SH2D5: variants seen among roughly 807,000 people sequenced by gnomAD.
The protein encoded by SH2D5 is SH2 domain containing 5, also known as SH2 domain-containing protein 5.
In SH2D5, 45 loss-of-function variants were observed where a neutral mutation model predicts 48.2. The observed-to-expected ratio is 0.93, with a 90% CI of 0.73 to 1.20. SH2D5 has a LOEUF of 1.20. SH2D5 is among the 50% of genes most tolerant of loss of function. The probability of loss-of-function intolerance (pLI) is 0.00; values close to 1 mark genes in which losing one functional copy is unlikely to be tolerated. For missense variants in SH2D5, 538 were observed against 584.1 expected (o/e 0.92, Z 0.81); for synonymous variants, 230 against 249.8 (o/e 0.92, Z 0.75).
At position 20,722,875 on chromosome 1, in the gene SH2D5, C is replaced by G. The variant is rs1175287937; in HGVS notation, c.949G>C (p.Ala317Pro). The change falls in exon 9 of 10, where the codon GCC becomes CCC. Residue 317 changes from alanine (A) to proline (P), a missense_variant. Coordinates refer to ENST00000444387, the MANE Select transcript of SH2D5 (RefSeq NM_001103161.2). ...CCCAGCTCAGGCCACAGCAGGAAGG[C>G]CCCCAGCACGTCTCTCCGCAACAGG... Reference protein sequence around the residue: ...LALLRRDVLGAFLLWPELGAS... With the variant: ...LALLRRDVLGPFLLWPELGAS... 5.6e-6 allele frequency: 9 copies of G among 1,604,516 alleles called. No homozygotes were observed. Among genetic ancestry groups the G allele is most frequent in the Non-Finnish European group, 7.7e-6 (9 of 1,176,022 alleles).
intron 3 of SH2D5, 145 bp downstream of exon 3, chr1:20,727,378 G>A: frequency 1.2e-6 from 1 of 816,400 alleles, no homozygotes; most frequent in Non-Finnish European, 2.0e-6. Flanking sequence ...CCTGGAGCCT[G>A]GGTGTGTGTC....
chr1:20,726,933 G>C, intron 4 of SH2D5, 68 bp downstream of exon 4: 1 of 1,357,534 alleles, frequency 7.4e-7, no homozygotes, highest in Non-Finnish European at 1.0e-6. Context: ...AGGCAGAGGA[G>C]AGCGCATCCT....
chr1:20,730,964 C>A (rs1444818015), intron 1 of SH2D5: 1 of 152,298 alleles, frequency 6.6e-6, no homozygotes, highest in Non-Finnish European at 1.5e-5. Context: ...CACCAGCCCG[C>A]AGACCCTGGG....
chr1:20,726,316 G>T (rs2054798646), intron 4 of SH2D5, among the ~76,000 whole-genome samples: 1 of 152,222 alleles, frequency 6.6e-6, no homozygotes. Flanking sequence ...CAGGTGACTG[G>T]GGTGCGAATC....
At chr1:20,724,276 G>A (rs1325662805) in intron 6 of SH2D5, 25 bp from the exon 7 acceptor site, 12 of 1,610,662 alleles carry the variant, frequency 7.5e-6, no homozygotes, top group Admixed American at 1.7e-5. Flanking sequence ...GGGGCCCACA[G>A]GCAGGCAGAC....
chr1:20,719,787 C>T lies in SH2D5; in HGVS notation c.*2005G>A, dbSNP rs1230882214. The T allele has an allele frequency of 6.6e-6, 1 of 152,128 alleles. No individual in the cohort carries two copies. The highest frequency in any genetic ancestry group is 1.9e-4 in the East Asian group (1 of 5,204). 9.4% of individuals were successfully genotyped at this position (152,128 alleles called of 1,614,324 possible). A position where few individuals can be genotyped will look rare whatever the true frequency, so the allele number is the denominator to read the frequency against. On this transcript the variant is annotated 3_prime_UTR_variant, in exon 10 of 10. Transcript: ENST00000444387. ...CACACAGCAAGGAAAGTGGGGCTAC[C>T]GAGGTGGCGCAGATTGGAACAAAGA... is the stretch of plus-strand genomic sequence containing the variant.
intron 1 of SH2D5, among the ~76,000 whole-genome samples, 191 bp downstream of exon 1, chr1:20,731,990 C>T (rs2054919412): frequency 6.6e-6 from 1 of 151,706 alleles, no homozygotes; most frequent in Non-Finnish European, 1.5e-5. Flanking sequence ...GCCCGGCTCC[C>T]GGCGCTCGCT....
Position 20,723,662 on chromosome 1 carries a change from A to G in SH2D5, c.872T>C (p.Leu291Pro), listed in dbSNP as rs199605890. The change falls in exon 8 of 10, where the codon CTG becomes CCG. Residue 291 changes from leucine (L) to proline (P), a missense_variant. By Grantham distance (98) the Leu-to-Pro change is moderately conservative. Coordinates refer to ENST00000444387, the MANE Select transcript of SH2D5 (RefSeq NM_001103161.2). ...AGCGAAGGCCCAGATGTTCTCCGTC[A>G]GGCTGCCCTCGCTCTCCACCAGGCA... is the stretch of plus-strand genomic sequence containing the variant. ...HSCLVESEGSLTENIWAFAGI... is the reference protein window; with the variant it reads ...HSCLVESEGSPTENIWAFAGI... 1.5e-4 allele frequency: 240 copies of G among 1,613,074 alleles called. 2 individuals are homozygous for G. The African/African-American group carries it at 2.9e-3, about 19-fold the overall frequency.
rs2054863124 is a variant in SH2D5, at chr1:20,729,184, A to G, written c.-42-1098T>C. On this transcript the variant is annotated intron_variant, in intron 1 of 9. Transcript: ENST00000444387. The surrounding 1 kb of genome is among the most constrained non-coding windows in gnomAD (Gnocchi z 4.2). Reference sequence around the variant, plus strand: ...CCAGGACACAGCTGGTGTTCAATTAATGTGGAATTAACATATCATGGCCCC... The same window carrying G: ...CCAGGACACAGCTGGTGTTCAATTAGTGTGGAATTAACATATCATGGCCCC... Among the ~76,000 whole-genome samples, 1 of 152,192 alleles carries G rather than the reference A, an allele frequency of 6.6e-6. No individual in the cohort carries two copies.
In SH2D5 at chr1:20,721,844, A is replaced by G. The variant is rs755052590; in HGVS notation, c.1220T>C (p.Leu407Pro). 6.2e-7 allele frequency: 1 copy of G among 1,610,892 alleles called. No homozygotes were observed. The highest frequency in any genetic ancestry group is 8.5e-7 in the Non-Finnish European group (1 of 1,179,120). The change falls in exon 10 of 10, where the codon CTC becomes CCC. Residue 407 changes from leucine (L) to proline (P), a missense_variant. Physicochemically the swap from Leu to Pro is moderately conservative, Grantham distance 98. Coordinates refer to ENST00000444387, the MANE Select transcript of SH2D5 (RefSeq NM_001103161.2). ...CGPPGRPPRTLRPLSHAKSEA... is the reference protein window; with the variant it reads ...CGPPGRPPRTPRPLSHAKSEA... ...GGACTTGGCATGGCTGAGGGGCCGG[A>G]GAGTCCGGGGCGGCCTGCCTGGGGG...
At chr1:20,727,394 C>A (rs10916853) in intron 3 of SH2D5, 129 bp downstream of exon 3, 1 of 945,770 alleles carries the variant, frequency 1.1e-6, no homozygotes, top group Non-Finnish European at 1.6e-6. Context: ...GTGTCCTGAC[C>A]AGCCCACCAC....
chr1:20,722,780 G>A lies in SH2D5; in HGVS notation c.1044C>T (p.Asn348=). 1 of 1,562,566 alleles carries A rather than the reference G, an allele frequency of 6.4e-7. No homozygotes were observed. Among genetic ancestry groups the A allele is most frequent in the Non-Finnish European group, 8.7e-7 (1 of 1,152,370 alleles). Residue 348 remains asparagine, a synonymous_variant, in exon 9 of 10, where the codon AAC becomes AAT. Transcript: ENST00000444387. ...CGVVPHQVFR[N]HLGRYCLEHL... Reference sequence around the variant, plus strand: ...CCTCCAAGCAGTAGCGGCCCAGGTGGTTCCGGAAGACCTGGTGGGGCACCA... The same window carrying A: ...CCTCCAAGCAGTAGCGGCCCAGGTGATTCCGGAAGACCTGGTGGGGCACCA...
At position 20,724,576 on chromosome 1, in the gene SH2D5, G is replaced by A. The variant is rs758244310; in HGVS notation, c.450C>T (p.His150=). Residue 150 remains histidine (H), a synonymous_variant, in exon 6 of 10, where the codon CAC becomes CAT. Transcript: ENST00000444387. ...GCTCTGGCTGTGCCCGCTCCTCAGG[G>A]TGCTGCAAGAGGTAAGCCAGCTGGA... is the stretch of plus-strand genomic sequence containing the variant. The part of the protein sequence containing the change: ...RSFQLAYLLQ[H]PEERAQPEPC... 1.9e-6 allele frequency: 3 copies of A among 1,596,556 alleles called. No individual in the cohort carries two copies. Among genetic ancestry groups the A allele is most frequent in the Non-Finnish European group, 1.7e-6 (2 of 1,172,584 alleles).
At chr1:20,730,059 G>T (rs532531812) in intron 1 of SH2D5, among the ~76,000 whole-genome samples, 2 of 152,272 alleles carry the variant, frequency 1.3e-5, no homozygotes, top group East Asian at 3.9e-4. Flanking sequence ...TGGGGAGGGG[G>T]GCTTCCAGTG....
At position 20,728,666 on chromosome 1, in the gene SH2D5, G is replaced by A. The variant is rs113441740; in HGVS notation, c.-42-580C>T. ...GACACAAAGGAAGGCAGGCAGTGGGGGCCCGCAGGCCGACCTCAGCCCTTA... is the reference window on the plus strand; with the variant it reads ...GACACAAAGGAAGGCAGGCAGTGGGAGCCCGCAGGCCGACCTCAGCCCTTA... On this transcript the variant is annotated intron_variant, in intron 1 of 9. Transcript: ENST00000444387. The surrounding 1 kb of genome is among the most constrained non-coding windows in gnomAD (Gnocchi z 4.3). Among the ~76,000 whole-genome samples, 512 of 152,346 alleles carry A rather than the reference G, an allele frequency of 3.4e-3. 3 individuals are homozygous for A. The highest frequency in any genetic ancestry group is 0.011 in the African/African-American group (477 of 41,578).
chr1:20,726,699 G>C (rs963792951), intron 4 of SH2D5, among the ~76,000 whole-genome samples: 2 of 152,148 alleles, frequency 1.3e-5, no homozygotes, highest in African/African-American at 4.8e-5. Flanking sequence ...CAGCCAGGGC[G>C]GGGCAGGGCA....
rs946194851 is a variant in SH2D5 at position 20,721,075 on chromosome 1, G to A, written c.*717C>T. ...AGAAAGCGGGAGTCACAGCCCTGAG[G>A]TTTTGAGTGGAGACAGCATGGAGAT... is the stretch of plus-strand genomic sequence containing the variant. On this transcript the variant is annotated 3_prime_UTR_variant, in exon 10 of 10. Coordinates refer to ENST00000444387, the MANE Select transcript of SH2D5 (RefSeq NM_001103161.2). 1 of 153,026 alleles carries A rather than the reference G, an allele frequency of 6.5e-6. No individual in the cohort carries two copies. Among genetic ancestry groups the A allele is most frequent in the Non-Finnish European group, 1.5e-5 (1 of 68,254 alleles). The allele number at this position is 153,026 out of a possible 1,614,324, so 9.5% of individuals were successfully genotyped here.
chr1:20,727,907 T>C, intron 2 of SH2D5, 51 bp downstream of exon 2: 1 of 1,378,020 alleles, frequency 7.3e-7, no homozygotes, highest in Non-Finnish European at 1.0e-6. Context: ...CAGCGCCTGC[T>C]ACCTGAGGGC....
At chr1:20,727,412 G>T in intron 3 of SH2D5, 111 bp downstream of exon 3, 1 of 1,088,548 alleles carries the variant, frequency 9.2e-7, no homozygotes. Flanking sequence ...CACAAACAGG[G>T]CCTGTGTCCT....
Sources: gnomAD v4.1 joint callset for allele counts (sites outside exome capture counted in the v4.1 genomes callset) on GRCh38, gnomAD v4.1.1 for gene constraint, Gnocchi (gnomAD v3.1) non-coding constraint, MANE v1.5 for transcripts, NCBI Gene and HGNC (gene_info 2026-07-23, HGNC 2026-07-21) for gene names.